The following USP40 variants were observed in gnomAD, a reference collection of about 807,000 sequenced individuals.
USP40 encodes ubiquitin specific peptidase 40.
A neutral mutation model predicts 166.2 loss-of-function variants in USP40; 143 were observed. The ratio of observed to expected loss-of-function variants is 0.86; its 90% CI spans 0.75 to 0.99. The LOEUF (loss-of-function observed/expected upper bound fraction) is 0.99, where lower values mean the gene tolerates loss of function less well. Ranked by LOEUF, USP40 falls within the 50% of genes least tolerant of loss-of-function variation. The probability of loss-of-function intolerance (pLI) is 0.00; values close to 1 mark genes in which losing one functional copy is unlikely to be tolerated. For synonymous variants in USP40, 498 were observed against 524.0 expected, an observed-to-expected ratio of 0.95 and a Z score of 0.68; for missense variants, 1,444 against 1,479.7, an observed-to-expected ratio of 0.98 and a Z score of 0.40.
At chr2:233,504,677 T>C (rs569959925) in intron 21 of USP40, among the ~76,000 whole-genome samples, 3 of 151,996 alleles carry the variant, frequency 2.0e-5, no homozygotes, top group African/African-American at 7.2e-5. Flanking sequence ...TAAATATATA[T>C]GCAAACACCA....
chr2:233,481,190 C>A lies in USP40; in HGVS notation c.3599+13G>T. ...TCTGTCAGCTGCACATCTGTGCAGACCCCAGCAATTACCTTTTCCTTCTCC... is the reference window on the plus strand; with the variant it reads ...TCTGTCAGCTGCACATCTGTGCAGAACCCAGCAATTACCTTTTCCTTCTCC... On this transcript the variant is annotated intron_variant, in intron 31 of 31. Transcript: ENST00000678225. The A allele has an allele frequency of 6.3e-7, 1 of 1,593,284 alleles. No individual in the cohort carries two copies. Among genetic ancestry groups the A allele is most frequent in the Non-Finnish European group, 8.6e-7 (1 of 1,168,126 alleles).
chr2:233,532,908 G>A (rs186340173), intron 11 of USP40, among the ~76,000 whole-genome samples: 1 of 152,220 alleles, frequency 6.6e-6, no homozygotes, highest in Non-Finnish European at 1.5e-5. Flanking sequence ...CAGCCTGGAC[G>A]AGAGAGTGAG....
chr2:233,557,514 A>G (rs2071204585), intron 4 of USP40, among the ~76,000 whole-genome samples: 2 of 152,244 alleles, frequency 1.3e-5, no homozygotes, highest in Non-Finnish European at 2.9e-5. Flanking sequence ...TCCTGATGGA[A>G]CTTGCTTTAA....
intron 22 of USP40, 35 bp from the exon 23 acceptor site, chr2:233,498,647 CAA>C (rs771874683): frequency 1.8e-5 from 29 of 1,583,840 alleles, no homozygotes; most frequent in African/African-American, 2.7e-5. Context: ...AAAAAAAATT[CAA>C]AGTTAGGTGA....
chr2:233,545,935 C>CA (rs1321500556), intron 8 of USP40: 2 of 152,188 alleles, frequency 1.3e-5, no homozygotes, highest in Non-Finnish European at 2.9e-5. Context: ...AGCACAAAAT[C>CA]ATTATCTGAA....
chr2:233,533,307 T>C (rs1003209595), intron 11 of USP40, among the ~76,000 whole-genome samples, 172 bp downstream of exon 11: 15 of 152,312 alleles, frequency 9.8e-5, no homozygotes, highest in African/African-American at 3.4e-4. Flanking sequence ...CTTTATAAAA[T>C]GACAAATTGT....
intron 30 of USP40, chr2:233,481,658 T>G: frequency 3.9e-6 from 1 of 256,326 alleles, no homozygotes; most frequent in Non-Finnish European, 7.4e-6. Flanking sequence ...CACAGCTGTT[T>G]ACTTTATAGA....
chr2:233,565,737 C>G, intron 1 of USP40, 164 bp from the exon 2 acceptor site: 1 of 627,520 alleles, frequency 1.6e-6, no homozygotes, highest in Non-Finnish European at 2.7e-6. Context: ...AGATTTTTTT[C>G]ATCCCTATCA....
intron 8 of USP40, among the ~76,000 whole-genome samples, chr2:233,547,428 A>C (rs1251274891): frequency 1.3e-5 from 2 of 152,230 alleles, no homozygotes; most frequent in African/African-American, 4.8e-5. Flanking sequence ...ACACTTTGAA[A>C]AGCTGGCTGA....
chr2:233,493,031 A>G lies in USP40; in HGVS notation c.2917+394T>C. 1 of 239,864 alleles carries G rather than the reference A, an allele frequency of 4.2e-6. No individual in the cohort carries two copies. Among genetic ancestry groups the G allele is most frequent in the Non-Finnish European group, 8.1e-6 (1 of 123,188 alleles). The allele number at this position is 239,864 out of a possible 1,614,324, so 14.9% of individuals were successfully genotyped here. A position where few individuals can be genotyped will look rare whatever the true frequency, so the allele number is the denominator to read the frequency against. On this transcript the variant is annotated intron_variant, in intron 25 of 31. Coordinates refer to ENST00000678225, the MANE Select transcript of USP40 (RefSeq NM_001365479.2). The surrounding 1 kb of genome is among the most constrained non-coding windows in gnomAD (Gnocchi z 4.7). Reference sequence around the variant, plus strand: ...GAGGCAGAAAGATTGGAAGACATGTAGGATGTGGACTCCTGGTCTCTGCCC... The same window carrying G: ...GAGGCAGAAAGATTGGAAGACATGTGGGATGTGGACTCCTGGTCTCTGCCC...
chr2:233,556,661 T>C, intron 5 of USP40, 194 bp downstream of exon 5: 1 of 400,012 alleles, frequency 2.5e-6, no homozygotes, highest in Non-Finnish European at 4.3e-6. Context: ...TTCAAGATAT[T>C]TGCTTCTTTC....
chr2:233,482,989 CTATTGGGT>C (rs1473843009), intron 30 of USP40, among the ~76,000 whole-genome samples: 1 of 152,214 alleles, frequency 6.6e-6, no homozygotes, highest in East Asian at 1.9e-4. Flanking sequence ...GCCCACTTCT[CTATTGGGT>C]TATTTTTTGA....
intron 30 of USP40, among the ~76,000 whole-genome samples, chr2:233,483,394 C>T (rs1372518930): frequency 5.9e-5 from 9 of 151,998 alleles, no homozygotes; most frequent in African/African-American, 1.2e-4. Flanking sequence ...GGGAGGCTAA[C>T]GTGGGAGGAT....
chr2:233,478,945 C>T (rs745969983), intron 31 of USP40, among the ~76,000 whole-genome samples: 1 of 152,054 alleles, frequency 6.6e-6, no homozygotes, highest in Non-Finnish European at 1.5e-5. Flanking sequence ...CTCAGTGAAC[C>T]TCTTTGGTGG....
In USP40 at chr2:233,543,493, T is replaced by C. The variant is rs1042031531; in HGVS notation, c.967-1130A>G. On this transcript the variant is annotated intron_variant, in intron 8 of 31. Transcript: ENST00000678225. ...CCAGAGTAGTTAGGTTCCCCCAAAA[T>C]TCATACGTTGAAACCTAACCGCCAA... is the stretch of plus-strand genomic sequence containing the variant. 3.3e-5 allele frequency among the ~76,000 whole-genome samples: 5 copies of C among 152,160 alleles called. No individual in the cohort carries two copies. The South Asian group carries it at 1.0e-3, about 32-fold the overall frequency.
chr2:233,533,786 A>T lies in USP40; in HGVS notation c.1171-7T>A. ...GAGAATGGAGCTGTAAGAACTACAC[A>T]GAAACAAAAAAAAAAATGCTAAGTT... On this transcript the variant is annotated splice_polypyrimidine_tract_variant and splice_region_variant and intron_variant, in intron 10 of 31. Coordinates refer to ENST00000678225, the MANE Select transcript of USP40 (RefSeq NM_001365479.2). The T allele has an allele frequency of 7.0e-7, 1 of 1,430,308 alleles. No individual in the cohort carries two copies. The highest frequency in any genetic ancestry group is 9.1e-7 in the Non-Finnish European group (1 of 1,098,332). 88.6% of individuals were successfully genotyped at this position (1,430,308 alleles called of 1,614,324 possible). A position where few individuals can be genotyped will look rare whatever the true frequency, so the allele number is the denominator to read the frequency against.
rs2065466372 is a variant in USP40, at chr2:233,493,301, T to C, written c.2917+124A>G. On this transcript the variant is annotated intron_variant, in intron 25 of 31. Transcript: ENST00000678225. The surrounding 1 kb of genome is among the most constrained non-coding windows in gnomAD (Gnocchi z 4.7). ...TGTCTGGAATGACTTATGAAATTAA[T>C]AGGTCTTGATTTTCAAGATCTTACG... 7.6e-7 allele frequency: 1 copy of C among 1,323,958 alleles called. No individual in the cohort carries two copies. Among genetic ancestry groups the C allele is most frequent in the Non-Finnish European group, 1.0e-6 (1 of 952,972 alleles). 82.0% of individuals were successfully genotyped at this position (1,323,958 alleles called of 1,614,324 possible).
At chr2:233,519,435 C>T (rs1262803747) in intron 18 of USP40, 179 bp downstream of exon 18, 6 of 514,306 alleles carry the variant, frequency 1.2e-5, no homozygotes, top group Non-Finnish European at 1.8e-5. Flanking sequence ...GGGACTTTAA[C>T]TTCATTTATA....
At chr2:233,490,252 G>C (rs1575224403) in intron 26 of USP40, among the ~76,000 whole-genome samples, 1 of 137,884 alleles carries the variant, frequency 7.3e-6, no homozygotes, top group Non-Finnish European at 1.5e-5. Context: ...CAACCTCCCT[G>C]TCCTGGGTTC....
Sources: allele counts gnomAD v4.1 joint callset (sites outside exome capture counted in the v4.1 genomes callset), GRCh38; gene constraint gnomAD v4.1.1; non-coding constraint Gnocchi (gnomAD v3.1); transcripts MANE v1.5; gene names NCBI Gene and HGNC (gene_info 2026-07-23, HGNC 2026-07-21).